The following SLC4A4 variants were observed in gnomAD, a reference collection of about 807,000 sequenced individuals.
The protein encoded by SLC4A4 is electrogenic sodium bicarbonate cotransporter 1.
In SLC4A4, 27 loss-of-function variants were observed where a neutral mutation model predicts 111.5. The observed-to-expected ratio is 0.24, with a 90% CI of 0.18 to 0.33. The LOEUF is 0.33. SLC4A4 is among the 10% of genes least tolerant of loss of function. The pLI, the probability that SLC4A4 is intolerant of heterozygous loss-of-function variation, is 1.00. For missense variants in SLC4A4, 909 were observed against 1,315.5 expected (o/e 0.69, Z 4.78); for synonymous variants, 443 against 463.4 (o/e 0.96, Z 0.57).
At chr4:71,546,271 C>T (rs1355354929) in intron 18 of SLC4A4, 79 bp from the exon 19 acceptor site, 2 of 1,288,474 alleles carry the variant, frequency 1.6e-6, no homozygotes, top group African/African-American at 1.5e-5. Flanking sequence ...CTTTGGTCAT[C>T]TTAATTCCCC....
intron 2 of SLC4A4, among the ~76,000 whole-genome samples, chr4:71,139,179 T>TGTG (rs1743932632): frequency 2.8e-5 from 4 of 144,438 alleles, no homozygotes; most frequent in Non-Finnish European, 6.0e-5. Flanking sequence ...TCCCTTTTCT[T>TGTG]TGTGTGTGTG....
chr4:71,176,457 G>A (rs1745098516), intron 2 of SLC4A4, among the ~76,000 whole-genome samples: 1 of 152,150 alleles, frequency 6.6e-6, no homozygotes, highest in Admixed American at 6.5e-5. Flanking sequence ...TGGCTAACTA[G>A]AATAACCAAT....
intron 7 of SLC4A4, among the ~76,000 whole-genome samples, chr4:71,420,772 G>A (rs1325530906): frequency 7.0e-6 from 1 of 142,088 alleles, no homozygotes; most frequent in Non-Finnish European, 1.5e-5. Flanking sequence ...ATACTTTACA[G>A]ACAAGCAAAT....
intron 2 of SLC4A4, among the ~76,000 whole-genome samples, chr4:71,246,743 G>T (rs1231292822): frequency 1.4e-5 from 1 of 71,294 alleles, no homozygotes; most frequent in Non-Finnish European, 5.9e-5. Flanking sequence ...TATTCTTTTG[G>T]CTGTTTTTTC....
chr4:71,305,448 A>G (rs1725604018), intron 3 of SLC4A4, among the ~76,000 whole-genome samples: 1 of 152,228 alleles, frequency 6.6e-6, no homozygotes, highest in African/African-American at 2.4e-5. Context: ...ATAAGGGTTT[A>G]GCATGTTAAA....
At chr4:71,070,586 A>C (rs1194522239) in intron 1 of SLC4A4, among the ~76,000 whole-genome samples, 1 of 152,242 alleles carries the variant, frequency 6.6e-6, no homozygotes, top group Non-Finnish European at 1.5e-5. Context: ...ATTAAATATG[A>C]TCAGTACAAA....
intron 2 of SLC4A4, among the ~76,000 whole-genome samples, chr4:71,139,437 T>C (rs529610634): frequency 6.6e-6 from 1 of 152,316 alleles, no homozygotes; most frequent in Admixed American, 6.5e-5. Flanking sequence ...ACTAGAACCC[T>C]GGTGAGGTTC....
chr4:71,475,995 G>C (rs1183591059), intron 14 of SLC4A4, among the ~76,000 whole-genome samples: 1 of 151,758 alleles, frequency 6.6e-6, no homozygotes, highest in Non-Finnish European at 1.5e-5. Context: ...CAACAAGACT[G>C]TTGGTTGTAC....
intron 12 of SLC4A4, among the ~76,000 whole-genome samples, chr4:71,459,433 A>G (rs1265527040): frequency 3.3e-5 from 5 of 152,072 alleles, no homozygotes; most frequent in African/African-American, 1.2e-4. Context: ...ACATCTTAAA[A>G]TTCATGTGTA....
chr4:71,386,790 G>A (rs908063916), intron 6 of SLC4A4, among the ~76,000 whole-genome samples: 1 of 151,814 alleles, frequency 6.6e-6, no homozygotes, highest in Non-Finnish European at 1.5e-5. Context: ...GAATTCTTTT[G>A]CCTGCTTTTT....
chr4:71,285,396 C>T (rs1271062199), intron 3 of SLC4A4, among the ~76,000 whole-genome samples: 1 of 152,092 alleles, frequency 6.6e-6, no homozygotes, highest in Non-Finnish European at 1.5e-5. Context: ...CACTGGCTCA[C>T]CTGGGGAGAC....
At chr4:71,384,425 G>A (rs1344273857) in intron 6 of SLC4A4, among the ~76,000 whole-genome samples, 3 of 152,098 alleles carry the variant, frequency 2.0e-5, no homozygotes, top group Admixed American at 1.3e-4. Context: ...GTCATTGATT[G>A]CTAAGAGTGT....
At chr4:71,332,548 C>T (rs1332487849) in intron 3 of SLC4A4, among the ~76,000 whole-genome samples, 5 of 151,664 alleles carry the variant, frequency 3.3e-5, no homozygotes, top group Non-Finnish European at 7.4e-5. Context: ...GGGTTCACGC[C>T]ATTCTCCTGC....
intron 16 of SLC4A4, among the ~76,000 whole-genome samples, chr4:71,512,179 G>A (rs1731991132): frequency 1.3e-5 from 2 of 152,032 alleles, no homozygotes; most frequent in Non-Finnish European, 2.9e-5. Context: ...TCTGTTTTGA[G>A]GTTTTTGGGA....
chr4:71,169,854 C>A (rs1560756222), intron 2 of SLC4A4, among the ~76,000 whole-genome samples: 1 of 152,216 alleles, frequency 6.6e-6, no homozygotes, highest in Non-Finnish European at 1.5e-5. Flanking sequence ...TCAGTAGTTT[C>A]TGATTGCACT....
At chr4:71,414,047 G>A (rs181568216) in intron 7 of SLC4A4, among the ~76,000 whole-genome samples, 21 of 152,300 alleles carry the variant, frequency 1.4e-4, no homozygotes, top group African/African-American at 4.8e-4. Context: ...TAATGCAGTG[G>A]TTCTTAAGCT....
intron 3 of SLC4A4, among the ~76,000 whole-genome samples, chr4:71,260,891 A>C (rs996880841): frequency 1.3e-5 from 2 of 152,218 alleles, no homozygotes; most frequent in African/African-American, 4.8e-5. Flanking sequence ...AATGGTTAGC[A>C]GTTATTATTT....
chr4:71,090,339 C>T lies in SLC4A4; in HGVS notation c.-64-2391C>T, dbSNP rs537300005. ...AAAGGGAATTCCCTGACCCCTTGTG[C>T]TTCCCAGGTGAGGCAATGCCTCACC... On this transcript the variant is annotated intron_variant, in intron 1 of 26. Coordinates refer to the SLC4A4 transcript ENST00000649996. 7.4e-4 allele frequency among the ~76,000 whole-genome samples: 112 copies of T among 152,288 alleles called. 4 individuals are homozygous for T. Among genetic ancestry groups the T allele is most frequent in the Admixed American group, 7.1e-3 (109 of 15,294 alleles).
intron 16 of SLC4A4, among the ~76,000 whole-genome samples, chr4:71,501,667 G>A (rs66989932): frequency 0.58 from 87,462 of 150,174 alleles, 28,176 homozygotes; most frequent in Non-Finnish European, 0.74. Context: ...TTTTTTGTTT[G>A]TTTGTTTGTT....
Sources: allele counts gnomAD v4.1 joint callset (sites outside exome capture counted in the v4.1 genomes callset), GRCh38; gene constraint gnomAD v4.1.1; transcripts MANE v1.5; gene names NCBI Gene and HGNC (gene_info 2026-07-23, HGNC 2026-07-21).